Variants in CAMKK1 observed in about 807,000 individuals in gnomAD.
CAMKK1 encodes the protein calcium/calmodulin-dependent protein kinase kinase 1.
In CAMKK1, 20 loss-of-function variants were observed where a neutral mutation model predicts 63.5. That is an observed-to-expected ratio of 0.32 (90% CI 0.22 to 0.46). CAMKK1 has a LOEUF of 0.46. Ranked by LOEUF, CAMKK1 falls within the 20% of genes least tolerant of loss-of-function variation. The pLI, the probability that CAMKK1 is intolerant of heterozygous loss-of-function variation, is 1.00. For synonymous variants in CAMKK1, 253 were observed against 269.0 expected (o/e 0.94, Z 0.58); for missense variants, 588 against 658.1 (o/e 0.89, Z 1.17).
intron 14 of CAMKK1, among the ~76,000 whole-genome samples, chr17:3,866,663 C>G (rs953786459): frequency 6.6e-6 from 1 of 152,230 alleles, no homozygotes; most frequent in South Asian, 2.1e-4. Context: ...CTACTGGGTG[C>G]TGGCCACTAC....
At position 3,865,042 on chromosome 17, in the gene CAMKK1, A is replaced by G. The variant is rs868585115; in HGVS notation, c.1445+866T>C. On this transcript the variant is annotated intron_variant, in intron 15 of 15. Transcript: ENST00000348335. ...ACAACTCCCACCAGCCCCTTCCCCA[A>G]AGCTTCCCTCCGGGGCCAGAGGAAG... 140 of 836,198 alleles carry G rather than the reference A, an allele frequency of 1.7e-4. No individual in the cohort carries two copies. In the Middle Eastern group the frequency reaches 4.2e-3, roughly 25 times the overall value. The allele number at this position is 836,198 out of a possible 1,614,324, so 51.8% of individuals were successfully genotyped here. A position where few individuals can be genotyped will look rare whatever the true frequency, so the allele number is the denominator to read the frequency against.
intron 10 of CAMKK1, among the ~76,000 whole-genome samples, chr17:3,875,647 G>A (rs906753896): frequency 7.2e-5 from 11 of 152,172 alleles, no homozygotes; most frequent in Admixed American, 4.6e-4. Flanking sequence ...CTCCCTGGCA[G>A]TGGGGTGGCT....
chr17:3,891,655 G>A (rs970325220), intron 1 of CAMKK1, among the ~76,000 whole-genome samples: 2 of 152,168 alleles, frequency 1.3e-5, no homozygotes, highest in Admixed American at 1.3e-4. Context: ...TGGAGAGAAA[G>A]CCCCCTCACT....
In CAMKK1 at chr17:3,862,061, G is replaced by A. The variant is rs1382401996; in HGVS notation, c.*150C>T. 1.4e-5 allele frequency: 9 copies of A among 639,172 alleles called. No individual in the cohort carries two copies. Among genetic ancestry groups the A allele is most frequent in the African/African-American group, 9.1e-5 (5 of 54,790 alleles). 39.6% of individuals were successfully genotyped at this position (639,172 alleles called of 1,614,324 possible). A position where few individuals can be genotyped will look rare whatever the true frequency, so the allele number is the denominator to read the frequency against. On this transcript the variant is annotated 3_prime_UTR_variant, in exon 16 of 16. Coordinates refer to ENST00000348335, the MANE Select transcript of CAMKK1 (RefSeq NM_032294.3). The surrounding 1 kb of genome is among the most constrained non-coding windows in gnomAD (Gnocchi z 4.1). ...CCAGTCTGTCCCTGGACGTGCGTGCGTGGAGGTCATGCAGCACGATGGGGG... is the reference window on the plus strand; with the variant it reads ...CCAGTCTGTCCCTGGACGTGCGTGCATGGAGGTCATGCAGCACGATGGGGG...
chr17:3,861,458 C>T lies in CAMKK1; in HGVS notation c.*753G>A, dbSNP rs1241690310. 1 of 152,392 alleles carries T rather than the reference C, an allele frequency of 6.6e-6. No homozygotes were observed. The highest frequency in any genetic ancestry group is 1.5e-5 in the Non-Finnish European group (1 of 68,182). 9.4% of individuals were successfully genotyped at this position (152,392 alleles called of 1,614,324 possible). ...CAGGCCTCTGCTCAGAGCTTGATTC[C>T]GTTCAGTCCACTTTCCAGATAACGC... On this transcript the variant is annotated 3_prime_UTR_variant, in exon 16 of 16. Coordinates refer to ENST00000348335, the MANE Select transcript of CAMKK1 (RefSeq NM_032294.3).
intron 10 of CAMKK1, among the ~76,000 whole-genome samples, chr17:3,874,050 C>A (rs2055029426): frequency 6.6e-6 from 1 of 152,230 alleles, no homozygotes; most frequent in East Asian, 1.9e-4. Flanking sequence ...CTTCTGGTAT[C>A]CACTTTCTCG....
In CAMKK1 at chr17:3,880,279, G is replaced by A. The variant is rs577826400; in HGVS notation, c.796+67C>T. 107 of 1,369,422 alleles carry A rather than the reference G, an allele frequency of 7.8e-5. 3 individuals carry two copies. The South Asian group carries it at 1.2e-3, about 16-fold the overall frequency. 84.8% of individuals were successfully genotyped at this position (1,369,422 alleles called of 1,614,324 possible). On this transcript the variant is annotated intron_variant, in intron 9 of 15. Coordinates refer to ENST00000348335, the MANE Select transcript of CAMKK1 (RefSeq NM_032294.3). ...ACGGGAGCTGCTCAGAGTCTGCTCA[G>A]CCTGGGCTCTGCCGCCTGCCAGATC... is the stretch of plus-strand genomic sequence containing the variant.
chr17:3,883,971 A>G lies in CAMKK1; in HGVS notation c.409-34T>C. 6.2e-7 allele frequency: 1 copy of G among 1,609,012 alleles called. No homozygotes were observed. Among genetic ancestry groups the G allele is most frequent in the Non-Finnish European group, 8.5e-7 (1 of 1,176,916 alleles). ...AGGCATCAGTCAGCCCCACCTGGAC[A>G]GGGCAACCCCTCCCAGGACCAGCTC... On this transcript the variant is annotated intron_variant, in intron 3 of 15. Transcript: ENST00000348335. This position sits in a 1 kb window ranked among gnomAD's most constrained non-coding sequence, Gnocchi z 4.7.
chr17:3,885,940 C>A (rs559359206), intron 1 of CAMKK1, among the ~76,000 whole-genome samples: 9 of 152,364 alleles, frequency 5.9e-5, no homozygotes, highest in African/African-American at 2.2e-4. Context: ...GCCTCAGTAT[C>A]CCTGCCGGTA....
At position 3,884,020 on chromosome 17, in the gene CAMKK1, C is replaced by A. The variant is rs1264958464; in HGVS notation, c.409-83G>T. On this transcript the variant is annotated intron_variant, in intron 3 of 15. Transcript: ENST00000348335. This position sits in a 1 kb window ranked among gnomAD's most constrained non-coding sequence, Gnocchi z 4.5. ...TCAGGAGGTGGGGAGCCGAGCAGCTCTGGTCTCTCCTGCACCCCATCTGCA... is the reference window on the plus strand; with the variant it reads ...TCAGGAGGTGGGGAGCCGAGCAGCTATGGTCTCTCCTGCACCCCATCTGCA... 1 of 1,317,772 alleles carries A rather than the reference C, an allele frequency of 7.6e-7. No individual in the cohort carries two copies. Among genetic ancestry groups the A allele is most frequent in the East Asian group, 2.4e-5 (1 of 42,540 alleles). The allele number at this position is 1,317,772 out of a possible 1,614,324, so 81.6% of individuals were successfully genotyped here.
Position 3,883,909 on chromosome 17 carries a change from T to C in CAMKK1, c.437A>G (p.Tyr146Cys). 6.2e-7 allele frequency: 1 copy of C among 1,613,848 alleles called. No homozygotes were observed. Among genetic ancestry groups the C allele is most frequent in the Non-Finnish European group, 8.5e-7 (1 of 1,179,946 alleles). ...KGAYGVVRLA[Y>C]NESEDRHYAM... The stretch of plus-strand genomic sequence containing the variant: ...ATAGTGTCTGTCTTCACTTTCGTTG[T>C]AGGCCAGCCTCACCACACCGTAGGC... The change falls in exon 4 of 16, where the codon TAC becomes TGC. Residue 146 changes from tyrosine to cysteine, a missense_variant. Around this residue, in one of 3 missense-constraint regions of CAMKK1, gnomAD observed 357 missense variants for 407.4 expected, o/e 0.88. Transcript: ENST00000348335. The surrounding 1 kb of genome is among the most constrained non-coding windows in gnomAD (Gnocchi z 4.7).
chr17:3,869,385 TG>T, intron 14 of CAMKK1, 101 bp downstream of exon 14: 1 of 1,492,136 alleles, frequency 6.7e-7, no homozygotes, highest in South Asian at 1.3e-5. Context: ...CACAGCTGGC[TG>T]GCCAGGCAGG....
In CAMKK1 at chr17:3,887,688, C is replaced by G. The variant is rs1015280037; in HGVS notation, c.-43-1958G>C. Reference sequence around the variant, plus strand: ...GGGGCTGTGGCATAAGGAGGCCTCCCCAGAGGAGGTGAGAGGCTGTGGCAT... The same window carrying G: ...GGGGCTGTGGCATAAGGAGGCCTCCGCAGAGGAGGTGAGAGGCTGTGGCAT... On this transcript the variant is annotated intron_variant, in intron 1 of 15. Transcript: ENST00000348335. This position sits in a 1 kb window ranked among gnomAD's most constrained non-coding sequence, Gnocchi z 6.1. Among the ~76,000 whole-genome samples the G allele has an allele frequency of 7.1e-6, 1 of 140,352 alleles. No individual in the cohort carries two copies. The highest frequency in any genetic ancestry group is 7.0e-5 in the Admixed American group (1 of 14,248). The allele number at this position is 140,352 out of a possible 152,430, so 92.1% of individuals were successfully genotyped here. A position where few individuals can be genotyped will look rare whatever the true frequency, so the allele number is the denominator to read the frequency against.
At chr17:3,876,725 G>A (rs376250647) in intron 9 of CAMKK1, among the ~76,000 whole-genome samples, 3 of 151,814 alleles carry the variant, frequency 2.0e-5, no homozygotes, top group Admixed American at 6.6e-5. Context: ...GAGGAAACTA[G>A]GGCAGGAGAG....
intron 1 of CAMKK1, among the ~76,000 whole-genome samples, chr17:3,888,998 C>T (rs945610626): frequency 7.2e-5 from 11 of 152,004 alleles, no homozygotes; most frequent in East Asian, 1.9e-4. Context: ...TGTGTGTGTG[C>T]GCAGGTGTGT....
intron 12 of CAMKK1, among the ~76,000 whole-genome samples, chr17:3,870,707 T>C (rs1567617155): frequency 6.6e-6 from 1 of 152,100 alleles, no homozygotes; most frequent in Non-Finnish European, 1.5e-5. Context: ...GGGGAGCCCA[T>C]CCTTCCAAGA....
At position 3,882,125 on chromosome 17, in the gene CAMKK1, A is replaced by G. The variant is rs1181634914; in HGVS notation, c.685+403T>C. 6.4e-6 allele frequency: 4 copies of G among 624,514 alleles called. No homozygotes were observed. In the Admixed American group the frequency reaches 8.9e-5, roughly 14 times the overall value. The allele number at this position is 624,514 out of a possible 1,614,324, so 38.7% of individuals were successfully genotyped here. A position where few individuals can be genotyped will look rare whatever the true frequency, so the allele number is the denominator to read the frequency against. ...GGATAATAACGAATGTGCTTTACAT[A>G]TAATTACTCATTTACTCTTCACAGG... On this transcript the variant is annotated intron_variant, in intron 7 of 15. Coordinates refer to ENST00000348335, the MANE Select transcript of CAMKK1 (RefSeq NM_032294.3). This position sits in a 1 kb window ranked among gnomAD's most constrained non-coding sequence, Gnocchi z 4.3.
intron 15 of CAMKK1, among the ~76,000 whole-genome samples, chr17:3,863,207 A>T (rs1158016336): frequency 6.6e-6 from 1 of 151,822 alleles, no homozygotes; most frequent in Admixed American, 6.6e-5. Context: ...AGTATAAAAA[A>T]CTCTATGGCC....
intron 10 of CAMKK1, 127 bp from the exon 11 acceptor site, chr17:3,873,589 A>T: frequency 2.3e-6 from 2 of 873,430 alleles, no homozygotes; most frequent in Non-Finnish European, 3.7e-6. Flanking sequence ...CTCGACAAAC[A>T]CTCCGCGGTA....
Sources: gnomAD v4.1 joint callset for allele counts (sites outside exome capture counted in the v4.1 genomes callset) on GRCh38, gnomAD v4.1.1 for gene constraint, gnomAD v4.1.1 regional missense constraint, Gnocchi (gnomAD v3.1) non-coding constraint, MANE v1.5 for transcripts, NCBI Gene and HGNC (gene_info 2026-07-23, HGNC 2026-07-21) for gene names.